TENM2: variants seen among roughly 807,000 people sequenced by gnomAD.
TENM2 encodes teneurin-2.
In TENM2, 52 loss-of-function variants were observed where a neutral mutation model predicts 245.2. That is an observed-to-expected ratio of 0.21 (90% confidence interval 0.17 to 0.27). The LOEUF is 0.27. Ranked by LOEUF, TENM2 falls within the 10% of genes least tolerant of loss-of-function variation. The pLI is 1.00. For missense variants in TENM2, 3,046 were observed against 3,666.8 expected (o/e 0.83, Z 4.37); for synonymous variants, 1,363 against 1,438.9 (o/e 0.95, Z 1.19).
At chr5:167,409,498 A>G (rs1026783347) in intron 2 of TENM2, among the ~76,000 whole-genome samples, 2 of 152,054 alleles carry the variant, frequency 1.3e-5, no homozygotes, top group African/African-American at 4.8e-5. Context: ...CAGCCTAAAA[A>G]TTGGCTTACA....
intron 1 of TENM2, among the ~76,000 whole-genome samples, chr5:167,297,828 G>T (rs1006731190): frequency 6.6e-6 from 1 of 152,094 alleles, no homozygotes; most frequent in Non-Finnish European, 1.5e-5. Flanking sequence ...GGGCTGGAGT[G>T]GGGGTCACAG....
At chr5:167,072,645 T>C in the TENM2 span, among the ~76,000 whole-genome samples, 2 of 152,212 alleles carry the variant, frequency 1.3e-5, no homozygotes, top group Non-Finnish European at 2.9e-5. Flanking sequence ...GGGGCTATGA[T>C]ATTCCAGTTT....
the TENM2 span, among the ~76,000 whole-genome samples, chr5:167,057,887 G>A: frequency 6.6e-6 from 1 of 152,100 alleles, no homozygotes; most frequent in Non-Finnish European, 1.5e-5. Flanking sequence ...ATATGTTGGA[G>A]CCTCCCTATG....
intron 5 of TENM2, among the ~76,000 whole-genome samples, chr5:168,028,202 C>T (rs1786795681): frequency 1.3e-5 from 2 of 152,176 alleles, no homozygotes; most frequent in Admixed American, 6.5e-5. Context: ...TATCACATGT[C>T]TCTAAGGAGC....
intron 7 of TENM2, among the ~76,000 whole-genome samples, chr5:168,074,607 C>CA (rs72549553): frequency 4.8e-3 from 1 of 208 alleles, no homozygotes; most frequent in Non-Finnish European, 8.1e-3. Flanking sequence ...GACAGAAGAT[C>CA]ATCTCTGTGG....
chr5:167,461,447 T>G (rs909271126), intron 2 of TENM2, among the ~76,000 whole-genome samples: 3 of 152,156 alleles, frequency 2.0e-5, no homozygotes, highest in African/African-American at 7.2e-5. Flanking sequence ...ACCCTGACTT[T>G]GAAGACTCAC....
chr5:167,466,007 T>G (rs1766628178), intron 2 of TENM2, among the ~76,000 whole-genome samples: 1 of 152,112 alleles, frequency 6.6e-6, no homozygotes, highest in Admixed American at 6.5e-5. Context: ...GTAATCTTCC[T>G]TAAGAAAAAA....
At chr5:167,224,153 C>CTGT in the TENM2 span, among the ~76,000 whole-genome samples, 2 of 152,064 alleles carry the variant, frequency 1.3e-5, no homozygotes, top group African/African-American at 4.8e-5. Context: ...CCTCTTCACT[C>CTGT]TGTTGATTGT....
chr5:168,179,062 G>A (rs912446314), intron 13 of TENM2, among the ~76,000 whole-genome samples: 3 of 149,202 alleles, frequency 2.0e-5, no homozygotes, highest in African/African-American at 5.0e-5. Flanking sequence ...TTGAACCCAG[G>A]AGGCAGAAGT....
intron 2 of TENM2, among the ~76,000 whole-genome samples, chr5:167,687,292 C>T (rs186662722): frequency 3.3e-4 from 50 of 152,154 alleles, no homozygotes; most frequent in Middle Eastern, 3.4e-3. Flanking sequence ...CGTATATGAT[C>T]TAAGTATTCA....
chr5:168,068,806 T>A (rs1192524695), intron 7 of TENM2, among the ~76,000 whole-genome samples: 1 of 151,476 alleles, frequency 6.6e-6, no homozygotes, highest in Admixed American at 6.6e-5. Flanking sequence ...AATATGGGTA[T>A]CTTTTATACT....
chr5:167,264,105 C>CAAAAAAAAAAAAAA, the TENM2 span, among the ~76,000 whole-genome samples: 1 of 106,990 alleles, frequency 9.3e-6, no homozygotes. Context: ...AACTCTGTCT[C>CAAAAAAAAAAAAAA]AAAAAAAAAA....
intron 2 of TENM2, among the ~76,000 whole-genome samples, chr5:167,422,160 ACGT>A (rs1331020946): frequency 6.6e-6 from 1 of 152,176 alleles, no homozygotes; most frequent in African/African-American, 2.4e-5. Flanking sequence ...TTACAAGTAA[ACGT>A]CGTATTTGTT....
chr5:167,336,785 AG>A lies in TENM2; in HGVS notation c.227-38410del, dbSNP rs565000702. Among the ~76,000 whole-genome samples, 95 of 147,786 alleles carry A rather than the reference AG, an allele frequency of 6.4e-4. 3 individuals carry two copies. The South Asian group carries it at 0.022, about 34-fold the overall frequency. ...ATTAGAGCATTTGGATTTTCAGATT[AG>A]GGATGCTCAATGAGTAAATATAATG... On this transcript the variant is annotated intron_variant, in intron 1 of 28. Transcript: ENST00000518659.
At chr5:167,338,209 G>A (rs1453622998) in intron 1 of TENM2, among the ~76,000 whole-genome samples, 1 of 152,142 alleles carries the variant, frequency 6.6e-6, no homozygotes, top group African/African-American at 2.4e-5. Flanking sequence ...GTTTGCTTCT[G>A]CTTTTCCTAC....
Position 167,437,979 on chromosome 5 carries a change from C to G in TENM2, c.502+62506C>G, listed in dbSNP as rs189652872. Among the ~76,000 whole-genome samples, 3 of 152,290 alleles carry G rather than the reference C, an allele frequency of 2.0e-5. No homozygotes were observed. The East Asian group carries it at 5.8e-4, about 29-fold the overall frequency. On this transcript the variant is annotated intron_variant, in intron 2 of 28. Coordinates refer to ENST00000518659, the Ensembl canonical transcript of TENM2. The stretch of plus-strand genomic sequence containing the variant: ...CAGATACATTGAAGTTCTCAGAGTT[C>G]CAACAGAGAACACATCTCTTTAACA...
intron 2 of TENM2, among the ~76,000 whole-genome samples, chr5:167,421,213 C>T (rs1383938750): frequency 6.6e-6 from 1 of 152,168 alleles, no homozygotes; most frequent in Non-Finnish European, 1.5e-5. Flanking sequence ...ATTAGTCTGA[C>T]TTAGGCCACT....
exon 28 of TENM2, chr5:168,260,307 T>G: frequency 6.2e-7 from 1 of 1,614,040 alleles, no homozygotes; most frequent in Non-Finnish European, 8.5e-7. Flanking sequence ...CTTGTGATGT[T>G]TGGATTTCAG....
chr5:167,386,171 G>A (rs758409866), intron 2 of TENM2, among the ~76,000 whole-genome samples: 9 of 151,498 alleles, frequency 5.9e-5, no homozygotes, highest in Non-Finnish European at 7.4e-5. Flanking sequence ...CCTGTTCACC[G>A]CATCTATTAT....
Sources: allele counts gnomAD v4.1 joint callset (sites outside exome capture counted in the v4.1 genomes callset), GRCh38; gene constraint gnomAD v4.1.1; transcripts MANE v1.5; gene names NCBI Gene and HGNC (gene_info 2026-07-23, HGNC 2026-07-21).